Variants in CNTNAP3 observed in about 807,000 individuals in gnomAD.
CNTNAP3 encodes contactin-associated protein-like 3.
A neutral mutation model predicts 92.1 loss-of-function variants in CNTNAP3; 36 were observed. The ratio of observed to expected loss-of-function variants is 0.39; its 90% CI spans 0.30 to 0.52. The LOEUF (loss-of-function observed/expected upper bound fraction) is 0.52. Ranked by LOEUF, CNTNAP3 falls within the 20% of genes least tolerant of loss-of-function variation. The pLI is 0.76. For synonymous variants in CNTNAP3, 232 were observed against 422.3 expected, an observed-to-expected ratio of 0.55 and a Z score of 5.53; for missense variants, 534 against 1,069.6, an observed-to-expected ratio of 0.50 and a Z score of 6.98.
intron 13 of CNTNAP3, among the ~76,000 whole-genome samples, chr9:39,127,423 G>A (rs1420437683): frequency 2.0e-5 from 3 of 151,832 alleles, no homozygotes; most frequent in African/African-American, 4.8e-5. Flanking sequence ...AGATAACAAA[G>A]AGAAGAGCAG....
chr9:39,067,914 A>G lies in CNTNAP3; in HGVS notation c.*5976T>C, dbSNP rs1004259645. ...TATTAATTATGGGGATTTCTGGTAT[A>G]GCCCATGGCAACCACCTCTATTCAT... On this transcript the variant is annotated 3_prime_UTR_variant, in exon 24 of 24. Coordinates refer to ENST00000297668, the MANE Select transcript of CNTNAP3 (RefSeq NM_033655.5). 1.3e-5 allele frequency among the ~76,000 whole-genome samples: 2 copies of G among 152,416 alleles called. No homozygotes were observed. Among genetic ancestry groups the G allele is most frequent in the African/African-American group, 2.4e-5 (1 of 41,598 alleles).
In CNTNAP3 at chr9:39,086,465, A is replaced by G. The variant is rs1826063427; in HGVS notation, c.3354+251T>C. 1.2e-5 allele frequency: 6 copies of G among 487,222 alleles called. No homozygotes were observed. In the South Asian group the frequency reaches 2.5e-4, roughly 21 times the overall value. 30.2% of individuals were successfully genotyped at this position (487,222 alleles called of 1,614,324 possible). ...AAGTAAAACAAATAGATATTTTGATATTTTAAATAGTAAAATATTAATAAT... is the reference window on the plus strand; with the variant it reads ...AAGTAAAACAAATAGATATTTTGATGTTTTAAATAGTAAAATATTAATAAT... On this transcript the variant is annotated intron_variant, in intron 20 of 23. Coordinates refer to ENST00000297668, the MANE Select transcript of CNTNAP3 (RefSeq NM_033655.5).
At position 39,133,024 on chromosome 9, in the gene CNTNAP3, G is replaced by A. The variant is rs1440673626; in HGVS notation, c.1988C>T (p.Ala663Val). The A allele has an allele frequency of 1.3e-6, 2 of 1,542,196 alleles. No homozygotes were observed. The highest frequency in any genetic ancestry group is 1.2e-5 in the South Asian group (1 of 84,764). The change falls in exon 13 of 24, where the codon GCG (alanine) becomes GTG (valine). Residue 663 changes from alanine (A) to valine (V), a missense_variant. Physicochemically the swap from Ala to Val is moderately conservative, Grantham distance 64. Transcript: ENST00000297668. The stretch of plus-strand genomic sequence containing the variant: ...GTTCACCGCGGACCGCAGCTGCCCC[G>A]CGCCCGCTGCGTACGCGAAGGACAC... ...SAVSFAYAAG[A>V]GQLRSAVNLA...
At chr9:39,142,383 G>A (rs981302291) in intron 11 of CNTNAP3, among the ~76,000 whole-genome samples, 2 of 152,030 alleles carry the variant, frequency 1.3e-5, no homozygotes, top group African/African-American at 4.8e-5. Flanking sequence ...TAGAAAATGT[G>A]TCACAGCGGC....
rs1021951031 is a variant in CNTNAP3 at position 39,072,931 on chromosome 9, T to C, written c.*959A>G. On this transcript the variant is annotated 3_prime_UTR_variant, in exon 24 of 24. Coordinates refer to ENST00000297668, the MANE Select transcript of CNTNAP3 (RefSeq NM_033655.5). ...ATCTTGGGGAAGTAAGTTAGGATGA[T>C]GTTTCATTCACGTCTTAATGATATA... is the stretch of plus-strand genomic sequence containing the variant. 1 of 152,762 alleles carries C rather than the reference T, an allele frequency of 6.5e-6. No individual in the cohort carries two copies. Among genetic ancestry groups the C allele is most frequent in the Non-Finnish European group, 1.5e-5 (1 of 68,060 alleles). 9.5% of individuals were successfully genotyped at this position (152,762 alleles called of 1,614,324 possible).
At chr9:39,099,121 A>T (rs1378281472) in intron 18 of CNTNAP3, among the ~76,000 whole-genome samples, 2 of 151,796 alleles carry the variant, frequency 1.3e-5, no homozygotes, top group Non-Finnish European at 2.9e-5. Context: ...ATGCCCGGCT[A>T]ATTTTTGTAT....
At chr9:39,106,987 GA>G (rs1476294428) in intron 15 of CNTNAP3, among the ~76,000 whole-genome samples, 3 of 151,898 alleles carry the variant, frequency 2.0e-5, no homozygotes, top group South Asian at 2.1e-4. Context: ...TAGATTATGG[GA>G]AAAAAAATTG....
Position 39,100,033 on chromosome 9 carries a change from C to A in CNTNAP3, c.2873G>T (p.Cys958Phe). 6.3e-7 allele frequency: 1 copy of A among 1,587,326 alleles called. No individual in the cohort carries two copies. Residue 958 changes from cysteine to phenylalanine, a missense_variant, in exon 18 of 24, where the codon TGT becomes TTT. Physicochemically the swap from Cys to Phe is radical, Grantham distance 205 (BLOSUM62 -2). Transcript: ENST00000297668. ...ATVTPGVEPG[C>F]AGHCSTYGHL... is the part of the protein sequence containing the mutation. ...TCCATAGGTGCTGCAGTGTCCTGCA[C>A]ACCCTGGCTCCACTCCTGGCGTCAC... is the stretch of plus-strand genomic sequence containing the variant.
rs1476620601 is a variant in CNTNAP3 at position 39,071,110 on chromosome 9, A to T, written c.*2780T>A. Among the ~76,000 whole-genome samples the T allele has an allele frequency of 1.3e-5, 2 of 152,204 alleles. No individual in the cohort carries two copies. The highest frequency in any genetic ancestry group is 1.9e-4 in the East Asian group (1 of 5,198). On this transcript the variant is annotated 3_prime_UTR_variant, in exon 24 of 24. Transcript: ENST00000297668. Reference sequence around the variant, plus strand: ...TCTATAAAACTGAGGGAGCAGGTTAAAAAAATCTTACATGTTAATACATGA... The same window carrying T: ...TCTATAAAACTGAGGGAGCAGGTTATAAAAATCTTACATGTTAATACATGA...
chr9:39,097,096 T>C (rs1587705126), intron 18 of CNTNAP3, among the ~76,000 whole-genome samples: 1 of 152,192 alleles, frequency 6.6e-6, no homozygotes, highest in South Asian at 2.1e-4. Context: ...TAATCTCTAT[T>C]GATCTTGCTT....
intron 15 of CNTNAP3, among the ~76,000 whole-genome samples, chr9:39,104,477 TACACACACACACACACACACAC>T (rs60068368): frequency 3.2e-5 from 4 of 123,104 alleles, no homozygotes; most frequent in African/African-American, 6.1e-5. Flanking sequence ...CACATACACA[TACACACACACACACACACACAC>T]ACACACACAC....
At chr9:39,168,049 C>T (rs1240067672) in intron 8 of CNTNAP3, among the ~76,000 whole-genome samples, 1 of 141,606 alleles carries the variant, frequency 7.1e-6, no homozygotes, top group Non-Finnish European at 1.6e-5. Flanking sequence ...TGGAGTCTCG[C>T]TCTGTCACCC....
intron 17 of CNTNAP3, 31 bp from the exon 18 acceptor site, chr9:39,100,181 G>A (rs1826423660): frequency 6.6e-7 from 1 of 1,508,278 alleles, no homozygotes; most frequent in East Asian, 2.4e-5. Flanking sequence ...ATAGAAATGT[G>A]TTCCTTGGTA....
At chr9:39,106,922 A>C (rs1196388252) in intron 15 of CNTNAP3, among the ~76,000 whole-genome samples, 1 of 152,188 alleles carries the variant, frequency 6.6e-6, no homozygotes, top group Non-Finnish European at 1.5e-5. Flanking sequence ...ATAAAACGGC[A>C]CAGAGAATGG....
intron 14 of CNTNAP3, among the ~76,000 whole-genome samples, chr9:39,112,418 T>G (rs1430836488): frequency 6.6e-6 from 1 of 151,804 alleles, no homozygotes; most frequent in East Asian, 1.9e-4. Context: ...CAGGTTGGAG[T>G]GCAATGGTGT....
rs1825610089 is a variant in CNTNAP3 at position 39,070,215 on chromosome 9, TTTTA to T, written c.*3671_*3674del. 8.4e-6 allele frequency among the ~76,000 whole-genome samples: 1 copy of T among 118,514 alleles called. No individual in the cohort carries two copies. The highest frequency in any genetic ancestry group is 8.7e-5 in the Admixed American group (1 of 11,466). 77.7% of individuals were successfully genotyped at this position (118,514 alleles called of 152,430 possible). The stretch of plus-strand genomic sequence containing the variant: ...CAAAATCAATTTTCCATCTGCACTC[TTTTA>T]TTTGTTGCAATACTGTTTATAACAG... On this transcript the variant is annotated 3_prime_UTR_variant, in exon 24 of 24. Transcript: ENST00000297668.
chr9:39,065,919 A>G lies in CNTNAP3; in HGVS notation c.*7971T>C, dbSNP rs1268201639. Among the ~76,000 whole-genome samples, 1 of 152,180 alleles carries G rather than the reference A, an allele frequency of 6.6e-6. No individual in the cohort carries two copies. The highest frequency in any genetic ancestry group is 2.4e-5 in the African/African-American group (1 of 41,454). On this transcript the variant is annotated 3_prime_UTR_variant, in exon 24 of 24. Transcript: ENST00000297668. The stretch of plus-strand genomic sequence containing the variant: ...TCTCCCAGTCTGTAGCTTGACTCTT[A>G]TTCTCTTAACAATGTATTTTAAAAG...
Position 39,068,309 on chromosome 9 carries a change from G to C in CNTNAP3, c.*5581C>G, listed in dbSNP as rs1351007127. Among the ~76,000 whole-genome samples, 2 of 152,258 alleles carry C rather than the reference G, an allele frequency of 1.3e-5. No individual in the cohort carries two copies. The highest frequency in any genetic ancestry group is 2.9e-5 in the Non-Finnish European group (2 of 68,048). On this transcript the variant is annotated 3_prime_UTR_variant, in exon 24 of 24. Transcript: ENST00000297668. ...CTTGTGCCTGTAGTCCCAGCTACTC[G>C]GGAGGCTGAGGCAGGAGAATGGCAT... is the stretch of plus-strand genomic sequence containing the variant.
intron 15 of CNTNAP3, among the ~76,000 whole-genome samples, chr9:39,104,558 CAAG>C (rs1289997973): frequency 2.0e-5 from 3 of 149,586 alleles, no homozygotes; most frequent in East Asian, 2.0e-4. Context: ...CAATCAAGAA[CAAG>C]AAGAAGCTTA....
Sources: allele counts gnomAD v4.1 joint callset (sites outside exome capture counted in the v4.1 genomes callset), GRCh38; gene constraint gnomAD v4.1.1; transcripts MANE v1.5; gene names NCBI Gene and HGNC (gene_info 2026-07-23, HGNC 2026-07-21).